SEMA3A: variants seen among roughly 807,000 people sequenced by gnomAD.
The protein encoded by SEMA3A is semaphorin 3A.
A neutral mutation model predicts 97.9 loss-of-function variants in SEMA3A; 29 were observed. The observed-to-expected ratio is 0.30, with a 90% CI of 0.22 to 0.40. SEMA3A has a LOEUF of 0.40. Ranked by LOEUF, SEMA3A falls within the 10% of genes least tolerant of loss-of-function variation. The probability of loss-of-function intolerance (pLI) is 1.00; values close to 1 mark genes in which losing one functional copy is unlikely to be tolerated. For synonymous variants in SEMA3A, 321 were observed against 323.7 expected, an observed-to-expected ratio of 0.99 and a Z score of 0.09; for missense variants, 763 against 951.3, an observed-to-expected ratio of 0.80 and a Z score of 2.60.
chr7:83,991,418 C>G (rs1354486635), intron 12 of SEMA3A, among the ~76,000 whole-genome samples: 6 of 151,172 alleles, frequency 4.0e-5, no homozygotes, highest in Non-Finnish European at 8.8e-5. Flanking sequence ...GGGAATGCTT[C>G]CAGGTTTTGC....
chr7:84,169,435 C>T (rs1797315139), intron 1 of SEMA3A, among the ~76,000 whole-genome samples: 1 of 150,092 alleles, frequency 6.7e-6, no homozygotes, highest in Admixed American at 6.6e-5. Context: ...AATAAATGCT[C>T]TTCACTATAA....
intron 2 of SEMA3A, among the ~76,000 whole-genome samples, chr7:84,352,677 C>T (rs973875843): frequency 2.0e-5 from 3 of 151,612 alleles, no homozygotes; most frequent in Non-Finnish European, 3.0e-5. Flanking sequence ...TCTTAAGGGC[C>T]GTAGAATGTC....
chr7:83,977,594 A>G (rs1401258111), intron 14 of SEMA3A, among the ~76,000 whole-genome samples: 1 of 152,098 alleles, frequency 6.6e-6, no homozygotes, highest in East Asian at 1.9e-4. Context: ...TAAAGGGTAA[A>G]TTAAACTTTT....
intron 2 of SEMA3A, among the ~76,000 whole-genome samples, chr7:84,361,886 T>C (rs1320545906): frequency 6.6e-6 from 1 of 151,996 alleles, no homozygotes; most frequent in Admixed American, 6.6e-5. Context: ...AAGAGAGAAC[T>C]GCAGGGTGAA....
intron 1 of SEMA3A, among the ~76,000 whole-genome samples, chr7:84,146,270 C>T (rs1796460281): frequency 6.6e-6 from 1 of 152,052 alleles, no homozygotes; most frequent in Non-Finnish European, 1.5e-5. Context: ...GATAATCAAT[C>T]ATTAAATTAA....
At chr7:84,048,650 C>T (rs1388656078) in intron 5 of SEMA3A, among the ~76,000 whole-genome samples, 1 of 151,880 alleles carries the variant, frequency 6.6e-6, no homozygotes, top group East Asian at 1.9e-4. Context: ...GGTTGAACCT[C>T]TTTGCCTCTA....
chr7:84,208,243 G>A (rs1798540849), intron 3 of SEMA3A, among the ~76,000 whole-genome samples: 1 of 152,082 alleles, frequency 6.6e-6, no homozygotes, highest in African/African-American at 2.4e-5. Context: ...GTGAGGTCAG[G>A]AGATCGAGAC....
rs1419260377 is a variant in SEMA3A, at chr7:83,961,722, C to G, written c.1965G>C (p.Gly655=). ...TTACCTTAAGAAGAGTTTGTATGAA[C>G]CCATGTTCCACCGCATGGCAGAGGT... ...GNYLCHAVEH[G]FIQTLLKVTL... is the part of the protein sequence containing the mutation. The change falls in exon 17 of 17, where the codon GGG becomes GGC. Residue 655 remains glycine, a synonymous_variant. Transcript: ENST00000265362. 1.2e-6 allele frequency: 2 copies of G among 1,613,562 alleles called. No individual in the cohort carries two copies. The highest frequency in any genetic ancestry group is 2.7e-5 in the African/African-American group (2 of 74,894).
Position 84,257,153 on chromosome 7 carries a change from T to C in SEMA3A, c.-83+50054A>G, listed in dbSNP as rs145891443. Among the ~76,000 whole-genome samples, 727 of 152,208 alleles carry C rather than the reference T, an allele frequency of 4.8e-3. 4 individuals are homozygous for C. Among genetic ancestry groups the C allele is most frequent in the Non-Finnish European group, 8.7e-3 (590 of 67,956 alleles). On this transcript the variant is annotated intron_variant, in intron 3 of 3. Coordinates refer to the SEMA3A transcript ENST00000424555. ...CTGACTAACTTAATTTCTGACTCTA[T>C]AGCAGCTAAAGGTTTGGTCCTCCTA...
intron 1 of SEMA3A, among the ~76,000 whole-genome samples, chr7:84,453,230 ACTTTGTTT>A (rs2116369680): frequency 7.0e-6 from 1 of 143,014 alleles, no homozygotes; most frequent in African/African-American, 2.8e-5. Flanking sequence ...GGTTCATGAG[ACTTTGTTT>A]CTTTTTTTTT....
At chr7:84,222,273 T>A (rs1007260974) in intron 3 of SEMA3A, among the ~76,000 whole-genome samples, 2 of 152,020 alleles carry the variant, frequency 1.3e-5, no homozygotes, top group African/African-American at 4.8e-5. Context: ...CTCTAAATTA[T>A]AAATATCATG....
At chr7:84,148,837 C>T (rs1264614411) in intron 1 of SEMA3A, among the ~76,000 whole-genome samples, 1 of 152,030 alleles carries the variant, frequency 6.6e-6, no homozygotes, top group African/African-American at 2.4e-5. Context: ...TTTTTTCTTC[C>T]TAATAACTTT....
rs761927786 is a variant in SEMA3A, at chr7:83,997,313, T to C, written c.1452+4642A>G. Among the ~76,000 whole-genome samples the C allele has an allele frequency of 2.0e-5, 3 of 152,228 alleles. No homozygotes were observed. In the South Asian group the frequency reaches 6.2e-4, roughly 32 times the overall value. On this transcript the variant is annotated intron_variant, in intron 12 of 16. Coordinates refer to ENST00000265362, the MANE Select transcript of SEMA3A (RefSeq NM_006080.3). The stretch of plus-strand genomic sequence containing the variant: ...TTTATTTTAAATGGATTGACTTACA[T>C]GGCTCGAATAGAAACAAAGAAACTG...
At chr7:84,421,221 T>G (rs1226449566) in intron 1 of SEMA3A, among the ~76,000 whole-genome samples, 2 of 151,950 alleles carry the variant, frequency 1.3e-5, no homozygotes, top group African/African-American at 4.8e-5. Context: ...TTTAGTGGGG[T>G]GACATATTTA....
At chr7:84,096,219 C>T (rs1393725244) in intron 4 of SEMA3A, among the ~76,000 whole-genome samples, 1 of 152,020 alleles carries the variant, frequency 6.6e-6, no homozygotes, top group Non-Finnish European at 1.5e-5. Flanking sequence ...AGCTTAACTT[C>T]AGCTCTTACC....
At chr7:84,060,965 T>C (rs1208140918) in intron 4 of SEMA3A, among the ~76,000 whole-genome samples, 2 of 152,226 alleles carry the variant, frequency 1.3e-5, no homozygotes, top group East Asian at 3.9e-4. Flanking sequence ...AGCAATTCAC[T>C]ACGTTAGTTG....
intron 1 of SEMA3A, among the ~76,000 whole-genome samples, chr7:84,406,387 T>G (rs1428594256): frequency 6.6e-6 from 1 of 152,102 alleles, no homozygotes; most frequent in African/African-American, 2.4e-5. Context: ...TAACAGGCTC[T>G]GAAATTGAGG....
intron 1 of SEMA3A, among the ~76,000 whole-genome samples, chr7:84,409,128 A>C (rs897675345): frequency 1.3e-5 from 2 of 150,626 alleles, no homozygotes; most frequent in South Asian, 4.2e-4. Context: ...ATTGTTTGAC[A>C]GCACAATAGG....
At chr7:84,204,438 G>A (rs943433174) in intron 3 of SEMA3A, among the ~76,000 whole-genome samples, 13 of 152,082 alleles carry the variant, frequency 8.5e-5, no homozygotes, top group Non-Finnish European at 5.9e-5. Flanking sequence ...CTGTGGAGTC[G>A]GATTTTGCAG....
Sources: gnomAD v4.1 joint callset for allele counts (sites outside exome capture counted in the v4.1 genomes callset) on GRCh38, gnomAD v4.1.1 for gene constraint, MANE v1.5 for transcripts, NCBI Gene and HGNC (gene_info 2026-07-23, HGNC 2026-07-21) for gene names.